Variants in SPATA13 observed in about 807,000 individuals in gnomAD.
SPATA13 encodes the protein spermatogenesis-associated protein 13.
In SPATA13, 50 loss-of-function variants were observed where a neutral mutation model predicts 104.0. The observed-to-expected ratio is 0.48, with a 90% confidence interval of 0.38 to 0.61. The LOEUF (loss-of-function observed/expected upper bound fraction) is 0.61, where lower values mean the gene tolerates loss of function less well. Ranked by LOEUF, SPATA13 falls within the 20% of genes least tolerant of loss-of-function variation. The pLI, the probability that SPATA13 is intolerant of heterozygous loss-of-function variation, is 0.00. For synonymous variants in SPATA13, 606 were observed against 667.5 expected (o/e 0.91, Z 1.42); for missense variants, 1,524 against 1,690.6 (o/e 0.90, Z 1.73).
intron 2 of SPATA13, chr13:24,017,533 C>T (rs41286100): frequency 0.044 from 8,508 of 194,870 alleles, 226 homozygotes; most frequent in Non-Finnish European, 0.059. Context: ...GATATACACA[C>T]ATATGTATAT....
chr13:24,306,033 C>T lies in SPATA13; in HGVS notation c.*3260C>T, dbSNP rs1054452079. On this transcript the variant is annotated 3_prime_UTR_variant, in exon 13 of 13. Transcript: ENST00000382108. Reference sequence around the variant, plus strand: ...TTTCATTAGATCTGATTTTTGTTTCCCACTGTAGATCTGATTTTGTAGTTG... The same window carrying T: ...TTTCATTAGATCTGATTTTTGTTTCTCACTGTAGATCTGATTTTGTAGTTG... 7 of 152,074 alleles carry T rather than the reference C, an allele frequency of 4.6e-5. No homozygotes were observed. Among genetic ancestry groups the T allele is most frequent in the African/African-American group, 1.7e-4 (7 of 41,378 alleles). 9.4% of individuals were successfully genotyped at this position (152,074 alleles called of 1,614,324 possible).
At chr13:23,996,617 T>TGAC (rs67373067) in intron 2 of SPATA13, among the ~76,000 whole-genome samples, 1 of 8,376 alleles carries the variant, frequency 1.2e-4, no homozygotes, top group Non-Finnish European at 2.8e-4. Context: ...TGTGCTTGGC[T>TGAC]GATTGGCTGA....
intron 2 of SPATA13, among the ~76,000 whole-genome samples, chr13:24,014,227 T>C (rs1463611813): frequency 6.6e-6 from 1 of 152,192 alleles, no homozygotes; most frequent in Admixed American, 6.5e-5. Context: ...CCTGTGTGCA[T>C]GTCTGTGTCC....
At chr13:24,071,878 G>A (rs866754315) in intron 3 of SPATA13, among the ~76,000 whole-genome samples, 16 of 152,278 alleles carry the variant, frequency 1.1e-4, no homozygotes, top group Admixed American at 2.6e-4. Flanking sequence ...TTCTCCCCGT[G>A]TGCACTTTAA....
chr13:24,017,829 AC>A, intron 3 of SPATA13: 20 of 396,048 alleles, frequency 5.0e-5, no homozygotes, highest in Non-Finnish European at 6.9e-5. Flanking sequence ...TCTGTAACAT[AC>A]TGTTAAAATC....
At chr13:24,069,907 C>T (rs1879097954) in intron 3 of SPATA13, among the ~76,000 whole-genome samples, 2 of 152,176 alleles carry the variant, frequency 1.3e-5, no homozygotes, top group Non-Finnish European at 2.9e-5. Context: ...ACCAACACTG[C>T]AAATCTCAGA....
chr13:24,282,240 G>T (rs1294003427), intron 4 of SPATA13, among the ~76,000 whole-genome samples: 1 of 152,138 alleles, frequency 6.6e-6, no homozygotes, highest in Non-Finnish European at 1.5e-5. Flanking sequence ...AAGATGAACT[G>T]TGCATAGAAA....
Position 24,286,799 on chromosome 13 carries a change from C to CCAG in SPATA13, c.2522_2524dup (p.Ser841dup). ...AATCAGGAAGAGCTGTCGGAAAACTCCAGCAGCACCCCCAGTGAGGAGCAG... is the reference window on the plus strand; with the variant it reads ...AATCAGGAAGAGCTGTCGGAAAACTCCAGCAGCAGCACCCCCAGTGAGGAGCAG... On this transcript the variant is annotated inframe_insertion, in exon 7 of 13. Transcript: ENST00000382108. This position sits in a 1 kb window ranked among gnomAD's most constrained non-coding sequence, Gnocchi z 4.9. 1 of 1,613,640 alleles carries CCAG rather than the reference C, an allele frequency of 6.2e-7. No individual in the cohort carries two copies. Among genetic ancestry groups the CCAG allele is most frequent in the Non-Finnish European group, 8.5e-7 (1 of 1,179,950 alleles).
chr13:24,251,598 A>G, intron 3 of SPATA13, 120 bp from the exon 4 acceptor site: 8 of 1,516,648 alleles, frequency 5.3e-6, no homozygotes, highest in African/African-American at 1.4e-5. Context: ...TCGTGGCAGG[A>G]TTGGAGAAAC....
intron 3 of SPATA13, among the ~76,000 whole-genome samples, chr13:24,090,052 T>C (rs1879862388): frequency 6.6e-6 from 1 of 152,182 alleles, no homozygotes; most frequent in Non-Finnish European, 1.5e-5. Context: ...CCATATCAAG[T>C]TGGTGATTAA....
chr13:24,014,879 A>ATTTTTTGTTTTT (rs1876636332), intron 2 of SPATA13, among the ~76,000 whole-genome samples: 1 of 78,698 alleles, frequency 1.3e-5, no homozygotes, highest in Non-Finnish European at 2.4e-5. Context: ...CACTTTCTGG[A>ATTTTTTGTTTTT]TTTTTTTTTT....
At chr13:24,174,461 C>T (rs756599986) in intron 1 of SPATA13, among the ~76,000 whole-genome samples, 2 of 151,784 alleles carry the variant, frequency 1.3e-5, no homozygotes, top group Non-Finnish European at 2.9e-5. Context: ...ATGAGCATTT[C>T]GTGCTATCAG....
intron 3 of SPATA13, among the ~76,000 whole-genome samples, chr13:24,052,364 A>T (rs1301094491): frequency 6.7e-6 from 1 of 149,550 alleles, no homozygotes; most frequent in African/African-American, 2.4e-5. Context: ...CGTTAACGAG[A>T]TCCCATCGCT....
At chr13:24,202,360 C>T (rs990603051) in intron 1 of SPATA13, among the ~76,000 whole-genome samples, 3 of 152,026 alleles carry the variant, frequency 2.0e-5, no homozygotes, top group Non-Finnish European at 4.4e-5. Context: ...GTAGATGGCC[C>T]AGCAGCAGTA....
intron 2 of SPATA13, among the ~76,000 whole-genome samples, chr13:23,992,408 A>G (rs946069021): frequency 5.9e-5 from 9 of 152,232 alleles, no homozygotes; most frequent in African/African-American, 1.9e-4. Flanking sequence ...GTGGCTTGCC[A>G]CAATAAAAAT....
intron 2 of SPATA13, among the ~76,000 whole-genome samples, chr13:24,248,632 C>A (rs1410224278): frequency 6.6e-6 from 1 of 152,176 alleles, no homozygotes; most frequent in Admixed American, 6.5e-5. Flanking sequence ...TCGTTCAGTG[C>A]TCGCCCCATC....
At chr13:24,022,317 G>A (rs566835100) in intron 3 of SPATA13, among the ~76,000 whole-genome samples, 112 of 152,270 alleles carry the variant, frequency 7.4e-4, no homozygotes, top group African/African-American at 2.5e-3. Context: ...GATTATAGGC[G>A]TGAGCCACTG....
intron 3 of SPATA13, among the ~76,000 whole-genome samples, chr13:24,139,531 A>G (rs547670757): frequency 1.3e-5 from 2 of 152,348 alleles, no homozygotes; most frequent in South Asian, 4.1e-4. Flanking sequence ...ACCATCTGTT[A>G]TATTAAGGTG....
intron 1 of SPATA13, among the ~76,000 whole-genome samples, chr13:24,180,343 A>G (rs766280785): frequency 6.6e-6 from 1 of 152,174 alleles, no homozygotes; most frequent in Non-Finnish European, 1.5e-5. Context: ...TTCTATTTTC[A>G]TTGATCTATA....
Sources: allele counts gnomAD v4.1 joint callset (sites outside exome capture counted in the v4.1 genomes callset), GRCh38; gene constraint gnomAD v4.1.1; non-coding constraint Gnocchi (gnomAD v3.1); transcripts MANE v1.5; gene names NCBI Gene and HGNC (gene_info 2026-07-23, HGNC 2026-07-21).